The following SPATA13 variants were observed in gnomAD, a reference collection of about 807,000 sequenced individuals.
The protein encoded by SPATA13 is spermatogenesis-associated protein 13.
Under a neutral mutation model 104.0 loss-of-function variants are expected in SPATA13, and 50 were observed. The observed-to-expected ratio is 0.48, with a 90% CI of 0.38 to 0.61. SPATA13 has a LOEUF of 0.61. SPATA13 is among the 20% of genes least tolerant of loss of function. The pLI is 0.00. For synonymous variants in SPATA13, 606 were observed against 667.5 expected, an observed-to-expected ratio of 0.91 and a Z score of 1.42; for missense variants, 1,524 against 1,690.6, an observed-to-expected ratio of 0.90 and a Z score of 1.73.
intron 3 of SPATA13, among the ~76,000 whole-genome samples, chr13:24,080,491 C>T (rs1879475207): frequency 6.6e-6 from 1 of 152,182 alleles, no homozygotes; most frequent in Admixed American, 6.5e-5. Context: ...CACATAAATA[C>T]AGAATTGGTG....
At chr13:24,002,612 T>C (rs1223555020) in intron 2 of SPATA13, among the ~76,000 whole-genome samples, 3 of 152,142 alleles carry the variant, frequency 2.0e-5, no homozygotes, top group Non-Finnish European at 4.4e-5. Context: ...CTGACTAGAC[T>C]GCAGGAGCTT....
At chr13:24,239,861 G>T (rs1218771158) in intron 2 of SPATA13, among the ~76,000 whole-genome samples, 1 of 151,702 alleles carries the variant, frequency 6.6e-6, no homozygotes, top group Non-Finnish European at 1.5e-5. Flanking sequence ...TTCACTCATT[G>T]AAAATAATAA....
intron 3 of SPATA13, among the ~76,000 whole-genome samples, chr13:24,032,418 A>G (rs1311496136): frequency 2.0e-5 from 3 of 152,210 alleles, no homozygotes; most frequent in African/African-American, 7.2e-5. Flanking sequence ...AACAGTCCAC[A>G]TGGTATTATT....
At position 24,080,449 on chromosome 13, in the gene SPATA13, A is replaced by G. The variant is rs1879474077; in HGVS notation, c.-112+62748A>G. ...ACCATCACATGCATCATCACTCAAA[A>G]TGAATAAAACACTCAAAAGCTACAA... On this transcript the variant is annotated intron_variant, in intron 3 of 14. Coordinates refer to the SPATA13 transcript ENST00000424834. 2.0e-5 allele frequency among the ~76,000 whole-genome samples: 3 copies of G among 152,236 alleles called. No homozygotes were observed. The South Asian group carries it at 6.2e-4, about 31-fold the overall frequency.
intron 7 of SPATA13, among the ~76,000 whole-genome samples, chr13:24,287,234 C>T (rs1274116297): frequency 2.6e-5 from 4 of 152,122 alleles, no homozygotes; most frequent in African/African-American, 7.2e-5. Flanking sequence ...GGTCATAGCT[C>T]ACTGCAGCCT....
At chr13:24,014,870 A>G (rs939692910) in intron 2 of SPATA13, among the ~76,000 whole-genome samples, 11 of 106,250 alleles carry the variant, frequency 1.0e-4, no homozygotes, top group Non-Finnish European at 2.2e-4. Flanking sequence ...CCTTTTTGGC[A>G]CTTTCTGGAT....
At chr13:24,047,054 G>A (rs1437740464) in intron 3 of SPATA13, among the ~76,000 whole-genome samples, 1 of 152,128 alleles carries the variant, frequency 6.6e-6, no homozygotes, top group African/African-American at 2.4e-5. Context: ...GAGTGCTGCT[G>A]ATTGGTTGGG....
intron 3 of SPATA13, among the ~76,000 whole-genome samples, chr13:24,112,483 A>G (rs1477007846): frequency 6.6e-6 from 1 of 152,116 alleles, no homozygotes; most frequent in Non-Finnish European, 1.5e-5. Flanking sequence ...GAAGAGTTGA[A>G]TTCTCATGCT....
At chr13:24,098,916 A>T (rs1593328177) in intron 3 of SPATA13, among the ~76,000 whole-genome samples, 2 of 137,910 alleles carry the variant, frequency 1.5e-5, no homozygotes, top group South Asian at 4.6e-4. Flanking sequence ...ACAGAGCGAG[A>T]CTCCATCTCA....
intron 1 of SPATA13, among the ~76,000 whole-genome samples, chr13:24,181,761 CTTT>C (rs374662974): frequency 6.9e-6 from 1 of 145,008 alleles, no homozygotes. Context: ...TTACAGTTGA[CTTT>C]TTTTTTTTTT....
chr13:24,055,804 C>G (rs1424363532), intron 3 of SPATA13, among the ~76,000 whole-genome samples: 1 of 152,232 alleles, frequency 6.6e-6, no homozygotes, highest in African/African-American at 2.4e-5. Flanking sequence ...TGTCCTAATT[C>G]TAAGCCAAGT....
intron 2 of SPATA13, among the ~76,000 whole-genome samples, chr13:24,002,086 C>T (rs1876002713): frequency 6.6e-6 from 1 of 152,014 alleles, no homozygotes; most frequent in Non-Finnish European, 1.5e-5. Flanking sequence ...GGTCACTGTG[C>T]AGTGGCAGAG....
chr13:24,285,626 C>T (rs1316921404), intron 5 of SPATA13, among the ~76,000 whole-genome samples: 1 of 150,922 alleles, frequency 6.6e-6, no homozygotes, highest in Non-Finnish European at 1.5e-5. Flanking sequence ...AAGCAATTCT[C>T]CTGCCTCAGC....
At chr13:24,285,950 G>T (rs943290761) in intron 5 of SPATA13, among the ~76,000 whole-genome samples, 2 of 152,106 alleles carry the variant, frequency 1.3e-5, no homozygotes, top group African/African-American at 4.8e-5. Flanking sequence ...CAAAGTGCTG[G>T]GATTACAGGT....
At chr13:24,132,696 G>T (rs558218525) in intron 3 of SPATA13, among the ~76,000 whole-genome samples, 2 of 152,198 alleles carry the variant, frequency 1.3e-5, no homozygotes, top group African/African-American at 4.8e-5. Context: ...AAGGATGGCC[G>T]GGCATGGTGG....
At chr13:24,057,651 C>T (rs781181889) in intron 3 of SPATA13, among the ~76,000 whole-genome samples, 2 of 146,914 alleles carry the variant, frequency 1.4e-5, no homozygotes, top group Non-Finnish European at 3.1e-5. Flanking sequence ...AACCTCCAAC[C>T]GTCATAAGAA....
At chr13:24,145,582 G>A (rs1407895051) in intron 3 of SPATA13, among the ~76,000 whole-genome samples, 1 of 152,206 alleles carries the variant, frequency 6.6e-6, no homozygotes, top group Non-Finnish European at 1.5e-5. Flanking sequence ...CTGAATAACA[G>A]CATTTGTGTA....
At chr13:24,066,296 C>T (rs1219096351) in intron 3 of SPATA13, among the ~76,000 whole-genome samples, 1 of 152,164 alleles carries the variant, frequency 6.6e-6, no homozygotes, top group Non-Finnish European at 1.5e-5. Context: ...CTGAATTTCA[C>T]ACATACCTCA....
intron 3 of SPATA13, among the ~76,000 whole-genome samples, chr13:24,117,448 C>T (rs1385199983): frequency 6.6e-6 from 1 of 152,194 alleles, no homozygotes; most frequent in East Asian, 1.9e-4. Context: ...TTTGGGTTTA[C>T]TGTTTCTCAC....
Sources: gnomAD v4.1 joint callset for allele counts (sites outside exome capture counted in the v4.1 genomes callset) on GRCh38, gnomAD v4.1.1 for gene constraint, MANE v1.5 for transcripts, NCBI Gene and HGNC (gene_info 2026-07-23, HGNC 2026-07-21) for gene names.